DPP10: variants seen among roughly 807,000 people sequenced by gnomAD.
DPP10 encodes the protein dipeptidyl peptidase like 10.
A neutral mutation model predicts 120.9 loss-of-function variants in DPP10; 33 were observed. The ratio of observed to expected loss-of-function variants is 0.27; its 90% CI spans 0.21 to 0.37. The LOEUF is 0.37. DPP10 is among the 10% of genes least tolerant of loss of function. The pLI is 1.00. For synonymous variants in DPP10, 337 were observed against 326.1 expected, an observed-to-expected ratio of 1.03 and a Z score of -0.36; for missense variants, 816 against 942.8, an observed-to-expected ratio of 0.87 and a Z score of 1.76.
At chr2:115,711,664 T>G (rs1158418051) in intron 7 of DPP10, among the ~76,000 whole-genome samples, 1 of 152,030 alleles carries the variant, frequency 6.6e-6, no homozygotes. Context: ...AACAAGGCAA[T>G]GTGAGGAGGC....
At chr2:114,581,782 C>A (rs1312250518) in intron 1 of DPP10, among the ~76,000 whole-genome samples, 1 of 152,104 alleles carries the variant, frequency 6.6e-6, no homozygotes, top group African/African-American at 2.4e-5. Context: ...ATATAATCTA[C>A]CCAATTTAAA....
intron 3 of DPP10, among the ~76,000 whole-genome samples, chr2:115,437,991 T>C (rs538332742): frequency 6.6e-6 from 1 of 152,228 alleles, no homozygotes; most frequent in South Asian, 2.1e-4. Context: ...CTGCTTTGTA[T>C]ATTGAAAATA....
chr2:114,906,370 T>G (rs1193476495), intron 1 of DPP10, among the ~76,000 whole-genome samples: 2 of 148,910 alleles, frequency 1.3e-5, no homozygotes, highest in Non-Finnish European at 3.0e-5. Flanking sequence ...GGCGACAGAG[T>G]GAGTTCTATC....
chr2:114,567,708 A>G (rs939095805), intron 1 of DPP10, among the ~76,000 whole-genome samples: 2 of 152,122 alleles, frequency 1.3e-5, no homozygotes, highest in African/African-American at 4.8e-5. Flanking sequence ...CATGAAAGTT[A>G]AAAGAATGTG....
intron 7 of DPP10, among the ~76,000 whole-genome samples, chr2:115,698,220 T>C (rs1428206963): frequency 6.6e-6 from 1 of 152,082 alleles, no homozygotes; most frequent in Non-Finnish European, 1.5e-5. Flanking sequence ...AACTGAAAAC[T>C]GAAAAATTTC....
intron 1 of DPP10, among the ~76,000 whole-genome samples, chr2:115,285,182 G>A (rs1411825337): frequency 1.3e-5 from 2 of 152,078 alleles, no homozygotes; most frequent in African/African-American, 4.8e-5. Flanking sequence ...CAGGACCTAC[G>A]TCTCTCTACA....
intron 12 of DPP10, among the ~76,000 whole-genome samples, chr2:115,767,554 TAC>T (rs749325166): frequency 1.3e-5 from 2 of 151,624 alleles, no homozygotes; most frequent in African/African-American, 2.4e-5. Context: ...TGTGTATATA[TAC>T]ACACACATAA....
In DPP10 at chr2:115,710,593, A is replaced by AT. The variant is rs576918247; in HGVS notation, c.577-17215dup. Among the ~76,000 whole-genome samples the AT allele has an allele frequency of 4.6e-5, 7 of 151,992 alleles. No homozygotes were observed. The East Asian group carries it at 1.2e-3, about 25-fold the overall frequency. On this transcript the variant is annotated intron_variant, in intron 7 of 25. Transcript: ENST00000410059. Reference sequence around the variant, plus strand: ...CATCATGGATTCATAAACAATGTTCATTTTTTTTCTAACATTTGGATTACG... The same window carrying AT: ...CATCATGGATTCATAAACAATGTTCATTTTTTTTTCTAACATTTGGATTACG...
intron 1 of DPP10, among the ~76,000 whole-genome samples, chr2:114,528,171 G>A (rs1685661544): frequency 6.6e-6 from 1 of 152,126 alleles, no homozygotes; most frequent in African/African-American, 2.4e-5. Context: ...CACACTGCAA[G>A]CACAGGGCAC....
chr2:115,524,341 G>A (rs779815274), intron 4 of DPP10, among the ~76,000 whole-genome samples: 2 of 152,014 alleles, frequency 1.3e-5, no homozygotes, highest in African/African-American at 2.4e-5. Context: ...CAAAGAGCTC[G>A]GACAAGAGCT....
At chr2:115,545,442 A>G (rs2079440683) in intron 5 of DPP10, among the ~76,000 whole-genome samples, 1 of 152,144 alleles carries the variant, frequency 6.6e-6, no homozygotes, top group Non-Finnish European at 1.5e-5. Flanking sequence ...AAAAGCTCCA[A>G]AATTCCAAGA....
At position 115,462,324 on chromosome 2, in the gene DPP10, A is replaced by G. The variant is rs1425473714; in HGVS notation, c.272-37186A>G. The stretch of plus-strand genomic sequence containing the variant: ...TACTGTTGTGCTTCCATCTTAATTC[A>G]GGCTCCATTTATCTTTTACCTGGCC... On this transcript the variant is annotated intron_variant, in intron 3 of 25. Transcript: ENST00000410059. Among the ~76,000 whole-genome samples, 3 of 152,120 alleles carry G rather than the reference A, an allele frequency of 2.0e-5. No individual in the cohort carries two copies. In the East Asian group the frequency reaches 5.8e-4, roughly 29 times the overall value.
At chr2:115,743,595 C>G (rs1437973250) in intron 9 of DPP10, among the ~76,000 whole-genome samples, 1 of 152,122 alleles carries the variant, frequency 6.6e-6, no homozygotes, top group Non-Finnish European at 1.5e-5. Flanking sequence ...CAATAATTAT[C>G]ATTTTAATTC....
rs534936714 is a variant in DPP10, at chr2:115,483,244, A to G, written c.272-16266A>G. 8.7e-4 allele frequency among the ~76,000 whole-genome samples: 133 copies of G among 152,226 alleles called. 3 individuals carry two copies. In the South Asian group the frequency reaches 0.027, roughly 31 times the overall value. On this transcript the variant is annotated intron_variant, in intron 3 of 25. Coordinates refer to ENST00000410059, the MANE Select transcript of DPP10 (RefSeq NM_020868.6). ...TTTTTAATATGTATTATAGTATTTG[A>G]TATTAAAACAACTTATTTTGGACAT...
intron 3 of DPP10, among the ~76,000 whole-genome samples, chr2:115,400,184 C>T (rs1521082): frequency 0.2 from 31,050 of 151,934 alleles, 3,521 homozygotes; most frequent in East Asian, 0.35. Context: ...CACCACACGC[C>T]GCCTCCAGCA....
At chr2:115,329,165 T>G (rs1417231091) in intron 2 of DPP10, among the ~76,000 whole-genome samples, 3 of 152,064 alleles carry the variant, frequency 2.0e-5, no homozygotes, top group Admixed American at 2.0e-4. Flanking sequence ...AGATAATAAA[T>G]TATATTTCAT....
intron 1 of DPP10, among the ~76,000 whole-genome samples, chr2:114,823,349 T>A (rs1361540013): frequency 6.6e-6 from 1 of 151,988 alleles, no homozygotes; most frequent in Non-Finnish European, 1.5e-5. Context: ...ACCCCCATAA[T>A]CTAATCACCC....
intron 1 of DPP10, among the ~76,000 whole-genome samples, chr2:115,249,920 A>G (rs1262221905): frequency 6.6e-6 from 1 of 152,164 alleles, no homozygotes; most frequent in Non-Finnish European, 1.5e-5. Flanking sequence ...ATTGCTTTGT[A>G]TTTATTGAAT....
chr2:115,235,933 C>T (rs1450924123), intron 1 of DPP10, among the ~76,000 whole-genome samples: 1 of 152,150 alleles, frequency 6.6e-6, no homozygotes. Flanking sequence ...AAGTCTGCCT[C>T]ATAGACGATT....
Sources: allele counts gnomAD v4.1 joint callset (sites outside exome capture counted in the v4.1 genomes callset), GRCh38; gene constraint gnomAD v4.1.1; transcripts MANE v1.5; gene names NCBI Gene and HGNC (gene_info 2026-07-23, HGNC 2026-07-21).